FARS2: variants seen among roughly 807,000 people sequenced by gnomAD.
FARS2 encodes the protein phenylalanine--tRNA ligase, mitochondrial.
FARS2 carries 40 observed loss-of-function variants against 46.4 expected under a neutral mutation model. That is an observed-to-expected ratio of 0.86 (90% confidence interval 0.67 to 1.12). The LOEUF (loss-of-function observed/expected upper bound fraction) is 1.12. Ranked by LOEUF, FARS2 falls within the 50% of genes most tolerant of loss-of-function variation. The pLI is 0.00. For synonymous variants in FARS2, 234 were observed against 214.9 expected (o/e 1.09, Z -0.78); for missense variants, 513 against 567.9 (o/e 0.90, Z 0.98).
At chr6:5,535,328 G>A (rs1770126912) in intron 4 of FARS2, among the ~76,000 whole-genome samples, 2 of 152,122 alleles carry the variant, frequency 1.3e-5, no homozygotes, top group African/African-American at 4.8e-5. Context: ...ATGTAAATAT[G>A]TGCAACATTT....
intron 1 of FARS2, among the ~76,000 whole-genome samples, chr6:5,299,023 T>C (rs1336486885): frequency 6.6e-6 from 1 of 152,206 alleles, no homozygotes; most frequent in Non-Finnish European, 1.5e-5. Context: ...ATAGAGTATG[T>C]TTTTATATTG....
intron 1 of FARS2, among the ~76,000 whole-genome samples, chr6:5,320,262 C>T (rs1769872133): frequency 6.6e-6 from 1 of 152,220 alleles, no homozygotes; most frequent in South Asian, 2.1e-4. Context: ...ACAGATGGAT[C>T]TCCCTAACGA....
At chr6:5,530,704 ATATC>A (rs1479012086) in intron 4 of FARS2, among the ~76,000 whole-genome samples, 4 of 147,318 alleles carry the variant, frequency 2.7e-5, no homozygotes, top group South Asian at 2.1e-4. Context: ...AACAATAACA[ATATC>A]TATATAGCTA....
At chr6:5,300,917 T>C (rs4610610) in intron 1 of FARS2, among the ~76,000 whole-genome samples, 13 of 152,038 alleles carry the variant, frequency 8.6e-5, no homozygotes, top group Admixed American at 7.2e-4. Context: ...CTGTGTTTTG[T>C]AGAGATGGGG....
At chr6:5,596,342 C>T (rs188769142) in intron 5 of FARS2, among the ~76,000 whole-genome samples, 11 of 152,330 alleles carry the variant, frequency 7.2e-5, no homozygotes, top group South Asian at 2.1e-4. Flanking sequence ...CCCCTTTCCC[C>T]GTCCACAAAA....
intron 1 of FARS2, among the ~76,000 whole-genome samples, chr6:5,270,341 C>T (rs1220238821): frequency 1.3e-5 from 2 of 149,516 alleles, no homozygotes; most frequent in South Asian, 2.2e-4. Flanking sequence ...TTGGCTTCTG[C>T]GTACTGTGAG....
intron 4 of FARS2, among the ~76,000 whole-genome samples, chr6:5,490,168 G>T (rs372149981): frequency 6.7e-6 from 1 of 148,980 alleles, no homozygotes; most frequent in East Asian, 2.1e-4. Flanking sequence ...GTTTGTGTTT[G>T]CTTTCTTTAA....
At chr6:5,634,286 C>G (rs73360270) in intron 6 of FARS2, among the ~76,000 whole-genome samples, 1 of 151,964 alleles carries the variant, frequency 6.6e-6, no homozygotes, top group Non-Finnish European at 1.5e-5. Context: ...GATACAAAAC[C>G]AATTATTTTG....
chr6:5,333,332 A>G (rs1770930645), intron 1 of FARS2, among the ~76,000 whole-genome samples: 1 of 152,116 alleles, frequency 6.6e-6, no homozygotes, highest in Non-Finnish European at 1.5e-5. Context: ...GGACATCGTG[A>G]TTTTTTAAGA....
intron 6 of FARS2, among the ~76,000 whole-genome samples, chr6:5,652,815 G>A (rs973588682): frequency 2.0e-5 from 3 of 152,212 alleles, no homozygotes; most frequent in African/African-American, 2.4e-5. Flanking sequence ...GACTGCTCCC[G>A]AGGCGCTAGC....
At chr6:5,481,837 G>A (rs1244927767) in intron 4 of FARS2, among the ~76,000 whole-genome samples, 6 of 152,010 alleles carry the variant, frequency 3.9e-5, no homozygotes, top group Non-Finnish European at 7.4e-5. Flanking sequence ...ATCCACTCTC[G>A]TGGTCTGCTC....
intron 5 of FARS2, among the ~76,000 whole-genome samples, chr6:5,593,029 C>T (rs940769446): frequency 2.6e-5 from 4 of 152,198 alleles, no homozygotes; most frequent in Non-Finnish European, 5.9e-5. Flanking sequence ...CTCTGGCCCT[C>T]ACCCTCCTCC....
At chr6:5,677,665 CAAGGGGCTGTAGTCA>C (rs1778832353) in intron 6 of FARS2, among the ~76,000 whole-genome samples, 1 of 152,194 alleles carries the variant, frequency 6.6e-6, no homozygotes, top group Non-Finnish European at 1.5e-5. Context: ...CAAAGCCAAG[CAAGGGGCTGTAGTCA>C]AAGAGTCAAA....
chr6:5,584,022 C>T (rs1232547281), intron 5 of FARS2, among the ~76,000 whole-genome samples: 1 of 151,962 alleles, frequency 6.6e-6, no homozygotes, highest in African/African-American at 2.4e-5. Flanking sequence ...CAGGAGGTAT[C>T]TCTGTTTCTG....
At chr6:5,374,462 A>G (rs1180314827) in intron 2 of FARS2, among the ~76,000 whole-genome samples, 3 of 152,120 alleles carry the variant, frequency 2.0e-5, no homozygotes, top group Non-Finnish European at 4.4e-5. Flanking sequence ...GAAAACTGAA[A>G]GCAATTAACT....
chr6:5,385,990 C>T (rs1760107993), intron 2 of FARS2, among the ~76,000 whole-genome samples: 1 of 152,030 alleles, frequency 6.6e-6, no homozygotes, highest in Non-Finnish European at 1.5e-5. Flanking sequence ...TTGGGAAGCT[C>T]GTCCTAAACC....
At chr6:5,446,680 A>T (rs962608571) in intron 4 of FARS2, among the ~76,000 whole-genome samples, 2 of 152,240 alleles carry the variant, frequency 1.3e-5, no homozygotes, top group Non-Finnish European at 2.9e-5. Flanking sequence ...AAGTCTGAGT[A>T]GTTTAGACGA....
chr6:5,664,352 T>TA (rs1452900253), intron 6 of FARS2, among the ~76,000 whole-genome samples: 2 of 152,148 alleles, frequency 1.3e-5, no homozygotes, highest in Admixed American at 1.3e-4. Context: ...CAGCCAGTGT[T>TA]ACACCGAGGG....
At chr6:5,264,157 G>A (rs1014738541) in intron 1 of FARS2, among the ~76,000 whole-genome samples, 10 of 152,136 alleles carry the variant, frequency 6.6e-5, no homozygotes, top group African/African-American at 2.2e-4. Context: ...TGAGGTGGGA[G>A]GATTGCTTGA....
Sources: gnomAD v4.1 joint callset for allele counts (sites outside exome capture counted in the v4.1 genomes callset) on GRCh38, gnomAD v4.1.1 for gene constraint, MANE v1.5 for transcripts, NCBI Gene and HGNC (gene_info 2026-07-23, HGNC 2026-07-21) for gene names.